The following HDGFL3 variants were observed in gnomAD, a reference collection of about 807,000 sequenced individuals.
The protein encoded by HDGFL3 is hepatoma-derived growth factor-related protein 3.
In HDGFL3, 6 loss-of-function variants were observed where a neutral mutation model predicts 27.6. That is an observed-to-expected ratio of 0.22 (90% confidence interval 0.12 to 0.43). The LOEUF (loss-of-function observed/expected upper bound fraction) is 0.43. Ranked by LOEUF, HDGFL3 falls within the 20% of genes least tolerant of loss-of-function variation. The pLI, the probability that HDGFL3 is intolerant of heterozygous loss-of-function variation, is 1.00. For missense variants in HDGFL3, 207 were observed against 250.1 expected, an observed-to-expected ratio of 0.83 and a Z score of 1.16; for synonymous variants, 88 against 88.9, an observed-to-expected ratio of 0.99 and a Z score of 0.05.
downstream of HDGFL3, chr15:83,124,681 G>A (rs1357114205): frequency 2.5e-6 from 4 of 1,613,780 alleles, no homozygotes; most frequent in African/African-American, 5.3e-5. Context: ...GGTTATTCAA[G>A]AAGCCCAAGC....
intron 3 of HDGFL3, chr15:83,119,541 T>G (rs1227018027): frequency 6.6e-7 from 1 of 1,513,260 alleles, no homozygotes; most frequent in East Asian, 2.2e-5. Flanking sequence ...TTTACAGGTC[T>G]TATTTAAAGT....
intron 5 of HDGFL3, among the ~76,000 whole-genome samples, chr15:83,150,075 TCCTA>T (rs1221070077): frequency 2.0e-5 from 3 of 152,192 alleles, no homozygotes; most frequent in Admixed American, 2.0e-4. Context: ...TCTAACAAGC[TCCTA>T]CCTAATGTTG....
intron 2 of HDGFL3, among the ~76,000 whole-genome samples, chr15:83,162,639 A>C (rs2037115661): frequency 6.6e-6 from 1 of 152,196 alleles, no homozygotes; most frequent in East Asian, 1.9e-4. Flanking sequence ...AAAGTAAATA[A>C]AACTTCCTGA....
chr15:83,139,807 A>G (rs2036731792), intron 5 of HDGFL3, among the ~76,000 whole-genome samples: 1 of 152,220 alleles, frequency 6.6e-6, no homozygotes, highest in Admixed American at 6.5e-5. Context: ...AAAAAAACAT[A>G]AAGAATAAGA....
rs1424661498 is a variant in HDGFL3, at chr15:83,131,475, A to T, written c.*7795T>A. On this transcript the variant is annotated 3_prime_UTR_variant, in exon 6 of 6. Transcript: ENST00000299633. ...ACGAAACCCCGTCTCTACTAAAAAT[A>T]CAAAAAATTAGCTGGGTGTGGTGGT... The T allele has an allele frequency of 6.6e-6, 1 of 152,212 alleles. No individual in the cohort carries two copies. Among genetic ancestry groups the T allele is most frequent in the African/African-American group, 2.4e-5 (1 of 41,424 alleles). The allele number at this position is 152,212 out of a possible 1,614,324, so 9.4% of individuals were successfully genotyped here.
intron 1 of HDGFL3, among the ~76,000 whole-genome samples, chr15:83,188,444 G>C (rs1298972350): frequency 6.6e-6 from 1 of 152,032 alleles, no homozygotes; most frequent in Non-Finnish European, 1.5e-5. Context: ...TGGTAGAGAT[G>C]GGGTTTCACC....
At chr15:83,122,389 A>G (rs2035341909) in intron 3 of HDGFL3, among the ~76,000 whole-genome samples, 1 of 152,094 alleles carries the variant, frequency 6.6e-6, no homozygotes. Flanking sequence ...AAATCAGGAT[A>G]TATAGGTAGA....
intron 1 of HDGFL3, among the ~76,000 whole-genome samples, chr15:83,172,845 G>T (rs1237335741): frequency 6.6e-6 from 1 of 150,500 alleles, no homozygotes; most frequent in Non-Finnish European, 1.5e-5. Flanking sequence ...AAAAGGAAAA[G>T]AAACTGTATT....
intron 1 of HDGFL3, among the ~76,000 whole-genome samples, chr15:83,167,595 T>C (rs938675624): frequency 6.7e-6 from 1 of 149,186 alleles, no homozygotes; most frequent in African/African-American, 2.5e-5. Flanking sequence ...AGAAGGGCAG[T>C]ACATCATGAA....
chr15:83,190,147 G>A (rs947001975), intron 1 of HDGFL3, among the ~76,000 whole-genome samples: 1 of 150,114 alleles, frequency 6.7e-6, no homozygotes, highest in African/African-American at 2.5e-5. Flanking sequence ...TTGGGAGCCT[G>A]CAGTGAGCCA....
At chr15:83,147,407 C>T (rs1361028577) in intron 5 of HDGFL3, among the ~76,000 whole-genome samples, 3 of 152,044 alleles carry the variant, frequency 2.0e-5, no homozygotes, top group Non-Finnish European at 4.4e-5. Flanking sequence ...TTCTTTCTTA[C>T]ATTATCATTT....
At chr15:83,175,974 T>C (rs1320226912) in intron 1 of HDGFL3, among the ~76,000 whole-genome samples, 1 of 152,284 alleles carries the variant, frequency 6.6e-6, no homozygotes, top group East Asian at 1.9e-4. Flanking sequence ...ATTCTGGTTC[T>C]GCACAGACAG....
rs952193277 is a variant in HDGFL3, at chr15:83,128,788, A to G, written c.*10482T>C. ...CTCAAGCCAGAAACTTGGAGTAATT[A>G]TTTACACTCCTCATCCTCTACATCT... On this transcript the variant is annotated 3_prime_UTR_variant, in exon 6 of 6. Transcript: ENST00000299633. 6 of 152,106 alleles carry G rather than the reference A, an allele frequency of 3.9e-5. No individual in the cohort carries two copies. The highest frequency in any genetic ancestry group is 1.4e-4 in the African/African-American group (6 of 41,396). The allele number at this position is 152,106 out of a possible 1,614,324, so 9.4% of individuals were successfully genotyped here.
At chr15:83,188,445 G>C (rs1024564027) in intron 1 of HDGFL3, among the ~76,000 whole-genome samples, 6 of 152,052 alleles carry the variant, frequency 3.9e-5, no homozygotes, top group African/African-American at 1.4e-4. Flanking sequence ...GGTAGAGATG[G>C]GGTTTCACCA....
chr15:83,160,772 C>T (rs192609169), intron 2 of HDGFL3, among the ~76,000 whole-genome samples: 36 of 152,192 alleles, frequency 2.4e-4, no homozygotes, highest in African/African-American at 8.7e-4. Context: ...CTGTAAATTC[C>T]ATTTTCTGCC....
intron 3 of HDGFL3, among the ~76,000 whole-genome samples, chr15:83,118,049 G>A (rs145558624): frequency 2.0e-5 from 3 of 152,188 alleles, no homozygotes; most frequent in Admixed American, 6.5e-5. Flanking sequence ...TTGGTAAGCC[G>A]AATGGTTTCA....
chr15:83,175,430 C>A (rs2037297095), intron 1 of HDGFL3, among the ~76,000 whole-genome samples: 1 of 152,202 alleles, frequency 6.6e-6, no homozygotes, highest in Non-Finnish European at 1.5e-5. Context: ...AAAGTGTACA[C>A]CTCCCAGGCA....
At chr15:83,154,680 C>A (rs919995541) in intron 4 of HDGFL3, among the ~76,000 whole-genome samples, 2 of 152,044 alleles carry the variant, frequency 1.3e-5, no homozygotes, top group Admixed American at 6.5e-5. Flanking sequence ...CAGTTAAGAT[C>A]AAGAATGATA....
chr15:83,193,174 G>A (rs1181429453), intron 1 of HDGFL3, among the ~76,000 whole-genome samples: 1 of 152,154 alleles, frequency 6.6e-6, no homozygotes, highest in Non-Finnish European at 1.5e-5. Context: ...AAAATTATTT[G>A]CAAATCATAG....
Sources: allele counts gnomAD v4.1 joint callset (sites outside exome capture counted in the v4.1 genomes callset), GRCh38; gene constraint gnomAD v4.1.1; transcripts MANE v1.5; gene names NCBI Gene and HGNC (gene_info 2026-07-23, HGNC 2026-07-21).